Variants in CFAP251 observed in about 807,000 individuals in gnomAD.
The protein encoded by CFAP251 is cilia- and flagella-associated protein 251.
In CFAP251, 93 loss-of-function variants were observed where a neutral mutation model predicts 126.7. The ratio of observed to expected loss-of-function variants is 0.73; its 90% CI spans 0.62 to 0.87. The LOEUF (loss-of-function observed/expected upper bound fraction) is 0.87, where lower values mean the gene tolerates loss of function less well. Ranked by LOEUF, CFAP251 falls within the 40% of genes least tolerant of loss-of-function variation. The pLI is 0.00. For synonymous variants in CFAP251, 503 were observed against 506.9 expected (o/e 0.99, Z 0.10); for missense variants, 1,287 against 1,389.2 (o/e 0.93, Z 1.17).
At chr12:121,958,548 TC>T in intron 12 of CFAP251, 26 bp downstream of exon 12, 2 of 1,613,480 alleles carry the variant, frequency 1.2e-6, no homozygotes, top group Non-Finnish European at 1.7e-6. Flanking sequence ...CAGCCTACCA[TC>T]GGTTCCACAT....
chr12:121,934,354 A>C lies in CFAP251; in HGVS notation c.996A>C (p.Thr332=). 6.2e-7 allele frequency: 1 copy of C among 1,611,842 alleles called. No individual in the cohort carries two copies. Among genetic ancestry groups the C allele is most frequent in the Non-Finnish European group, 8.5e-7 (1 of 1,178,184 alleles). Residue 332 remains threonine, a splice_region_variant and synonymous_variant, in exon 5 of 22, where the codon ACA becomes ACC. Coordinates refer to ENST00000288912, the MANE Select transcript of CFAP251 (RefSeq NM_144668.6). ...TGGTGATTATATGGGACTCCTTCAC[A>C]GGGTAGGCTTTGTGTAGCCACTTCT... ...DCLVIIWDSF[T]GIPVHTIFDS... is the part of the protein sequence containing the mutation.
intron 3 of CFAP251, among the ~76,000 whole-genome samples, chr12:121,927,546 C>G (rs1880468590): frequency 6.6e-6 from 1 of 152,224 alleles, no homozygotes; most frequent in Non-Finnish European, 1.5e-5. Flanking sequence ...ATCCACCCAC[C>G]TCAGCCTCCC....
At chr12:121,990,601 C>T (rs1429055909) in intron 19 of CFAP251, among the ~76,000 whole-genome samples, 8 of 152,188 alleles carry the variant, frequency 5.3e-5, no homozygotes, top group Non-Finnish European at 8.8e-5. Flanking sequence ...GAAGCCTTCC[C>T]GAAGCCCACC....
At chr12:121,970,181 C>T (rs896203790) in intron 17 of CFAP251, among the ~76,000 whole-genome samples, 3 of 152,178 alleles carry the variant, frequency 2.0e-5, no homozygotes, top group Non-Finnish European at 2.9e-5. Context: ...GCTTCTGCCC[C>T]GGGAGAGCCC....
At chr12:121,982,313 C>G (rs2135804949) in intron 19 of CFAP251, among the ~76,000 whole-genome samples, 1 of 151,868 alleles carries the variant, frequency 6.6e-6, no homozygotes, top group East Asian at 1.9e-4. Flanking sequence ...CTCAAGTGAT[C>G]CCTCTGCCCC....
chr12:121,931,912 G>A, intron 4 of CFAP251, 26 bp downstream of exon 4: 1 of 1,496,970 alleles, frequency 6.7e-7, no homozygotes, highest in South Asian at 1.4e-5. Flanking sequence ...CTTCCTACAG[G>A]TGGGGGAGTT....
chr12:121,967,105 C>CT, intron 16 of CFAP251, 36 bp downstream of exon 16: 1 of 1,568,750 alleles, frequency 6.4e-7, no homozygotes, highest in South Asian at 1.1e-5. Context: ...TGGGAGTTGA[C>CT]TCTGTGTGTC....
chr12:121,958,211 T>C, intron 11 of CFAP251, 61 bp from the exon 12 acceptor site: 1 of 1,593,136 alleles, frequency 6.3e-7, no homozygotes, highest in South Asian at 1.1e-5. Flanking sequence ...AGAAGCAGAA[T>C]AGCTGGCATG....
At chr12:121,945,210 C>T (rs1370315032) in intron 7 of CFAP251, among the ~76,000 whole-genome samples, 1 of 152,166 alleles carries the variant, frequency 6.6e-6, no homozygotes, top group Non-Finnish European at 1.5e-5. Context: ...CTAGTCCAGG[C>T]CACAGTCACC....
intron 5 of CFAP251, 101 bp downstream of exon 5, chr12:121,934,457 G>A (rs1880812331): frequency 1.1e-6 from 1 of 892,672 alleles, no homozygotes; most frequent in Non-Finnish European, 1.7e-6. Context: ...CTAGAAATTT[G>A]ATTTGTTGGT....
At chr12:121,922,748 G>A (rs545343213) in intron 2 of CFAP251, among the ~76,000 whole-genome samples, 1 of 151,496 alleles carries the variant, frequency 6.6e-6, no homozygotes, top group East Asian at 1.9e-4. Flanking sequence ...GAATAAACTT[G>A]AACACACCCA....
chr12:121,940,558 A>G (rs2135761362), intron 5 of CFAP251, among the ~76,000 whole-genome samples: 1 of 152,256 alleles, frequency 6.6e-6, no homozygotes, highest in Admixed American at 6.5e-5. Context: ...ACAAAAAAGA[A>G]CCATGTGACC....
At chr12:121,955,324 G>A (rs897277220) in intron 10 of CFAP251, among the ~76,000 whole-genome samples, 2 of 152,012 alleles carry the variant, frequency 1.3e-5, no homozygotes, top group Non-Finnish European at 2.9e-5. Context: ...TTTACCCATT[G>A]TGAGAAGATC....
intron 19 of CFAP251, among the ~76,000 whole-genome samples, chr12:121,993,778 C>CGCT (rs1882944214): frequency 6.7e-6 from 1 of 148,606 alleles, no homozygotes; most frequent in African/African-American, 2.5e-5. Context: ...CGGCCAGCAC[C>CGCT]CCGTCCGGGA....
chr12:121,991,374 T>C (rs1279811553), intron 19 of CFAP251, among the ~76,000 whole-genome samples: 1 of 152,232 alleles, frequency 6.6e-6, no homozygotes, highest in Non-Finnish European at 1.5e-5. Flanking sequence ...AGTCACAAGC[T>C]TGGGGCTGAT....
rs1247232079 is a variant in CFAP251, at chr12:121,931,868, C to A, written c.870C>A (p.Asn290Lys). Reference protein sequence around the residue: ...HTAIIYNVFRNNQYHLQGHAN... With the variant: ...HTAIIYNVFRKNQYHLQGHAN... ...CGATCATCTACAACGTGTTCAGGAA[C>A]AATCAATACCACCTTCAGGTATGCA... The change falls in exon 4 of 22, where the codon AAC becomes AAA. Residue 290 changes from asparagine to lysine, a missense_variant. Transcript: ENST00000288912. The A allele has an allele frequency of 2.5e-6, 4 of 1,575,362 alleles. No homozygotes were observed. Among genetic ancestry groups the A allele is most frequent in the African/African-American group, 2.7e-5 (2 of 73,036 alleles).
intron 15 of CFAP251, among the ~76,000 whole-genome samples, chr12:121,962,378 G>A (rs908525987): frequency 1.3e-5 from 2 of 152,120 alleles, no homozygotes; most frequent in Non-Finnish European, 2.9e-5. Context: ...ATCCAGGAAG[G>A]ACACAGACCC....
chr12:121,921,193 C>T (rs1880155702), intron 1 of CFAP251, 93 bp from the exon 2 acceptor site: 9 of 1,342,296 alleles, frequency 6.7e-6, no homozygotes, highest in African/African-American at 1.5e-5. Context: ...GGAACAGAGC[C>T]ATTTATGCAC....
chr12:121,976,511 G>T (rs545662747), intron 19 of CFAP251, among the ~76,000 whole-genome samples: 2 of 152,106 alleles, frequency 1.3e-5, no homozygotes, highest in East Asian at 3.8e-4. Context: ...GGGTGCAGCC[G>T]TCCCTCATGA....
Sources: gnomAD v4.1 joint callset for allele counts (sites outside exome capture counted in the v4.1 genomes callset) on GRCh38, gnomAD v4.1.1 for gene constraint, MANE v1.5 for transcripts, NCBI Gene and HGNC (gene_info 2026-07-23, HGNC 2026-07-21) for gene names.